The following LIPJ variants were observed in gnomAD, a reference collection of about 807,000 sequenced individuals.
LIPJ encodes lipase family member J, also known as lipase member J.
LIPJ carries 33 observed loss-of-function variants against 39.8 expected under a neutral mutation model. The ratio of observed to expected loss-of-function variants is 0.83; its 90% confidence interval spans 0.63 to 1.11. The LOEUF (loss-of-function observed/expected upper bound fraction) is 1.11, where lower values mean the gene tolerates loss of function less well. Among genes scored for constraint, LIPJ ranks in the 50% least tolerant of loss-of-function variants. The pLI is 0.00. For missense variants in LIPJ, 422 were observed against 427.9 expected, an observed-to-expected ratio of 0.99 and a Z score of 0.12; for synonymous variants, 128 against 139.2, an observed-to-expected ratio of 0.92 and a Z score of 0.57.
Position 88,596,269 on chromosome 10 carries a change from T to C in LIPJ, c.440-11T>C, listed in dbSNP as rs773490571. The C allele has an allele frequency of 3.2e-6, 4 of 1,236,818 alleles. No homozygotes were observed. Among genetic ancestry groups the C allele is most frequent in the Admixed American group, 3.0e-5 (1 of 33,220 alleles). The allele number at this position is 1,236,818 out of a possible 1,614,324, so 76.6% of individuals were successfully genotyped here. A position where few individuals can be genotyped will look rare whatever the true frequency, so the allele number is the denominator to read the frequency against. On this transcript the variant is annotated splice_polypyrimidine_tract_variant and intron_variant, in intron 6 of 10. Coordinates refer to ENST00000371939, the Ensembl canonical transcript of LIPJ. ...GAATAGCTTACTAATTTATATCTTA[T>C]TTTATTTTAGGTTTCATAACATTTT... is the stretch of plus-strand genomic sequence containing the variant.
At chr10:88,617,968 A>G in the LIPJ span, among the ~76,000 whole-genome samples, 2 of 152,008 alleles carry the variant, frequency 1.3e-5, no homozygotes, top group East Asian at 3.9e-4. Flanking sequence ...AGATAACAGC[A>G]CTCTCCCTAG....
At chr10:88,597,326 T>C (rs568654609) in intron 8 of LIPJ, among the ~76,000 whole-genome samples, 1 of 151,974 alleles carries the variant, frequency 6.6e-6, no homozygotes, top group South Asian at 2.1e-4. Flanking sequence ...TGTTGATCCT[T>C]CCATAATTAG....
At chr10:88,594,832 A>G (rs11202781) in intron 6 of LIPJ, 56 bp downstream of exon 6, 249,150 of 831,980 alleles carry the variant, frequency 0.3, 38,891 homozygotes, top group East Asian at 0.56. Context: ...AAGGTTGTGC[A>G]TATACTTCTT....
chr10:88,594,764 G>A, exon 6 of LIPJ: 2 of 1,485,034 alleles, frequency 1.3e-6, no homozygotes, highest in South Asian at 1.3e-5. Context: ...CCATTCACAG[G>A]GTACTACTAT....
the LIPJ span, chr10:88,618,210 G>T: frequency 6.6e-6 from 1 of 151,954 alleles, no homozygotes; most frequent in African/African-American, 2.4e-5. Context: ...CAATAATCAT[G>T]GTAGATACCT....
the LIPJ span, among the ~76,000 whole-genome samples, chr10:88,620,024 CA>C: frequency 6.6e-6 from 1 of 152,072 alleles, no homozygotes; most frequent in African/African-American, 2.4e-5. Flanking sequence ...CAAACCTCAG[CA>C]ATTTAAAGAA....
At chr10:88,607,761 CAGG>C (rs986572619), downstream of LIPJ, among the ~76,000 whole-genome samples, 8 of 152,224 alleles carry the variant, frequency 5.3e-5, no homozygotes, top group Non-Finnish European at 7.4e-5. Flanking sequence ...TGGGCATCAC[CAGG>C]AGATGTACAC....
At position 88,602,571 on chromosome 10, in the gene LIPJ, C is replaced by G. The variant is rs1183356982; in HGVS notation, c.724-5C>G. The G allele has an allele frequency of 1.3e-6, 2 of 1,487,368 alleles. No homozygotes were observed. The highest frequency in any genetic ancestry group is 1.5e-5 in the African/African-American group (1 of 67,766). The allele number at this position is 1,487,368 out of a possible 1,614,324, so 92.1% of individuals were successfully genotyped here. On this transcript the variant is annotated splice_region_variant and splice_polypyrimidine_tract_variant and intron_variant, in intron 8 of 10. Coordinates refer to ENST00000371939, the Ensembl canonical transcript of LIPJ. ...AATGCTTTTTTTTTTTTTTTTACCC[C>G]TCAGAGTCGTTTGGATGTGTATTTT... is the stretch of plus-strand genomic sequence containing the variant.
intron 8 of LIPJ, among the ~76,000 whole-genome samples, chr10:88,598,329 C>T (rs772803013): frequency 2.0e-5 from 3 of 151,798 alleles, no homozygotes; most frequent in African/African-American, 4.8e-5. Context: ...GGAAAACCAA[C>T]CAGAGAATTG....
upstream of LIPJ, chr10:88,583,046 C>T: frequency 2.5e-6 from 4 of 1,603,478 alleles, no homozygotes; most frequent in Non-Finnish European, 3.4e-6. Flanking sequence ...TCCTCTTTTC[C>T]CAGGTTTTGG....
chr10:88,591,299 A>T, intron 3 of LIPJ, 79 bp from the exon 4 acceptor site: 1 of 1,084,366 alleles, frequency 9.2e-7, no homozygotes, highest in Non-Finnish European at 1.3e-6. Flanking sequence ...ATTGTCACAT[A>T]ATGCGTTAGA....
chr10:88,613,285 C>T, the LIPJ span, among the ~76,000 whole-genome samples: 1 of 152,036 alleles, frequency 6.6e-6, no homozygotes, highest in Admixed American at 6.6e-5. Context: ...ATATAAGTGT[C>T]TTCTCCAGGC....
the LIPJ span, among the ~76,000 whole-genome samples, chr10:88,619,831 A>G: frequency 2.2e-4 from 34 of 152,270 alleles, no homozygotes; most frequent in South Asian, 7.0e-3. Context: ...AATCTTTGTG[A>G]TCTTGAGTCA....
At chr10:88,605,374 C>A (rs375076293) in intron 9 of LIPJ, among the ~76,000 whole-genome samples, 2 of 152,094 alleles carry the variant, frequency 1.3e-5, no homozygotes, top group Admixed American at 6.6e-5. Flanking sequence ...AAGAGGCCCC[C>A]CTCTGGGTAG....
downstream of LIPJ, chr10:88,606,984 ATGTT>A: frequency 7.4e-7 from 1 of 1,344,236 alleles, no homozygotes; most frequent in South Asian, 2.2e-5. Context: ...TTACCTGTGT[ATGTT>A]CTTTCATTTT....
At chr10:88,614,526 T>C in the LIPJ span, among the ~76,000 whole-genome samples, 1 of 152,166 alleles carries the variant, frequency 6.6e-6, no homozygotes, top group African/African-American at 2.4e-5. Flanking sequence ...GTCAAACCTG[T>C]GTATTAAAAT....
At chr10:88,584,926 C>T (rs949646265), upstream of LIPJ, among the ~76,000 whole-genome samples, 10 of 152,146 alleles carry the variant, frequency 6.6e-5, no homozygotes, top group Non-Finnish European at 1.2e-4. Context: ...TGTCATAATA[C>T]AGTCTGATAC....
In LIPJ at chr10:88,596,939, A is replaced by G. The variant is rs931867560; in HGVS notation, c.723+3A>G. 10 of 1,432,288 alleles carry G rather than the reference A, an allele frequency of 7.0e-6. No homozygotes were observed. The African/African-American group carries it at 8.7e-5, about 12-fold the overall frequency. 88.7% of individuals were successfully genotyped at this position (1,432,288 alleles called of 1,614,324 possible). On this transcript the variant is annotated splice_donor_region_variant and intron_variant, in intron 8 of 10. Coordinates refer to ENST00000371939, the Ensembl canonical transcript of LIPJ. ...ATGACCCAAAAAACTTAAATATGGT[A>G]AGAACAAGTTGTATTTGAAATATAT... is the stretch of plus-strand genomic sequence containing the variant.
At chr10:88,583,749 G>A, upstream of LIPJ, 4 of 981,768 alleles carry the variant, frequency 4.1e-6, no homozygotes, top group Non-Finnish European at 4.8e-6. Flanking sequence ...GGGACTTTGT[G>A]TAACCTTCCT....
Sources: allele counts gnomAD v4.1 joint callset (sites outside exome capture counted in the v4.1 genomes callset), GRCh38; gene constraint gnomAD v4.1.1; transcripts MANE v1.5; gene names NCBI Gene and HGNC (gene_info 2026-07-23, HGNC 2026-07-21).